Variants in NRXN1 observed in about 807,000 individuals in gnomAD.
NRXN1 encodes neurexin 1.
A neutral mutation model predicts 150.9 loss-of-function variants in NRXN1; 39 were observed. The ratio of observed to expected loss-of-function variants is 0.26; its 90% CI spans 0.20 to 0.34. The LOEUF (loss-of-function observed/expected upper bound fraction) is 0.34, where lower values mean the gene tolerates loss of function less well. NRXN1 is among the 10% of genes least tolerant of loss of function. The pLI, the probability that NRXN1 is intolerant of heterozygous loss-of-function variation, is 1.00. For synonymous variants in NRXN1, 924 were observed against 757.0 expected (o/e 1.22, Z -3.62); for missense variants, 1,815 against 1,949.9 (o/e 0.93, Z 1.30).
chr2:49,944,520 A>G (rs12618646), intron 21 of NRXN1, among the ~76,000 whole-genome samples: 32,433 of 152,066 alleles, frequency 0.21, 3,690 homozygotes, highest in East Asian at 0.32. Context: ...TAGTTGCTTC[A>G]TTGCGCTTAC....
chr2:50,332,977 G>A (rs1180229266), intron 17 of NRXN1, among the ~76,000 whole-genome samples: 1 of 152,116 alleles, frequency 6.6e-6, no homozygotes, highest in Non-Finnish European at 1.5e-5. Flanking sequence ...CGATAATACT[G>A]GCCATCACAC....
intron 8 of NRXN1, among the ~76,000 whole-genome samples, chr2:50,618,605 C>T (rs946832982): frequency 1.3e-5 from 2 of 151,930 alleles, no homozygotes; most frequent in African/African-American, 2.4e-5. Context: ...GACTTTCATA[C>T]TTGTTAGTTG....
intron 12 of NRXN1, among the ~76,000 whole-genome samples, chr2:50,524,115 G>T (rs1014370742): frequency 2.0e-4 from 30 of 152,148 alleles, no homozygotes; most frequent in African/African-American, 7.2e-4. Context: ...CATAAAGAAA[G>T]CCACATAATG....
At chr2:50,307,102 A>G (rs2152959324) in intron 17 of NRXN1, among the ~76,000 whole-genome samples, 1 of 152,128 alleles carries the variant, frequency 6.6e-6, no homozygotes, top group African/African-American at 2.4e-5. Flanking sequence ...CTCCTGCCTC[A>G]GCCTCCTGAG....
Position 50,961,496 on chromosome 2 carries a change from CACA to C in NRXN1, c.773-35544_773-35542del, listed in dbSNP as rs927524249. On this transcript the variant is annotated intron_variant, in intron 2 of 22. Coordinates refer to ENST00000401669, the MANE Select transcript of NRXN1 (RefSeq NM_001330078.2). ...TCTAATCATATGGTTTATTGTCTTC[CACA>C]ACAACAACAACAAAAAACCCAACCA... 5.3e-5 allele frequency among the ~76,000 whole-genome samples: 8 copies of C among 151,462 alleles called. No homozygotes were observed. In the South Asian group the frequency reaches 6.2e-4, roughly 12 times the overall value.
chr2:50,564,216 T>C (rs1423166923), intron 8 of NRXN1, among the ~76,000 whole-genome samples: 2 of 152,222 alleles, frequency 1.3e-5, no homozygotes, highest in East Asian at 1.9e-4. Flanking sequence ...TATTTTGCAA[T>C]GTTATTTAAG....
At chr2:50,587,295 G>C (rs1474740585) in intron 8 of NRXN1, among the ~76,000 whole-genome samples, 1 of 152,296 alleles carries the variant, frequency 6.6e-6, no homozygotes, top group African/African-American at 2.4e-5. Context: ...GACCAACCTG[G>C]GCAACATGGT....
chr2:50,519,469 A>T (rs1450017681), intron 12 of NRXN1, among the ~76,000 whole-genome samples: 1 of 152,002 alleles, frequency 6.6e-6, no homozygotes, highest in East Asian at 1.9e-4. Flanking sequence ...GAAATGTTCT[A>T]AAATGGCAAT....
rs148851337 is a variant in NRXN1 at position 50,744,142 on chromosome 2, AT to A, written c.833-120528del. Among the ~76,000 whole-genome samples the A allele has an allele frequency of 6.4e-3, 975 of 152,342 alleles. 14 individuals are homozygous for A. Among genetic ancestry groups the A allele is most frequent in the African/African-American group, 0.022 (907 of 41,590 alleles). The stretch of plus-strand genomic sequence containing the variant: ...TTTTAAATGTTATTACTTGTAAAAT[AT>A]AAGCTGTGTCTTTATAGTCACATAT... On this transcript the variant is annotated intron_variant, in intron 5 of 22. Transcript: ENST00000401669.
rs145232269 is a variant in NRXN1 at position 50,148,582 on chromosome 2, C to A, written c.3547-57088G>T. Among the ~76,000 whole-genome samples the A allele has an allele frequency of 1.0e-3, 152 of 151,762 alleles. 2 individuals are homozygous for A. The East Asian group carries it at 0.022, about 22-fold the overall frequency. ...AGGTCCATTGCTAGACATGCACTTGCTTATCCAGAGGGCCAATCAGATTTC... is the reference window on the plus strand; with the variant it reads ...AGGTCCATTGCTAGACATGCACTTGATTATCCAGAGGGCCAATCAGATTTC... On this transcript the variant is annotated intron_variant, in intron 18 of 22. Coordinates refer to ENST00000401669, the MANE Select transcript of NRXN1 (RefSeq NM_001330078.2).
At chr2:50,207,115 C>A (rs1053635205) in intron 18 of NRXN1, among the ~76,000 whole-genome samples, 3 of 151,852 alleles carry the variant, frequency 2.0e-5, no homozygotes, top group African/African-American at 7.3e-5. Context: ...AGGGACTTAC[C>A]GATGGGGTAT....
At chr2:50,403,626 A>G (rs987924906) in intron 17 of NRXN1, among the ~76,000 whole-genome samples, 3 of 152,134 alleles carry the variant, frequency 2.0e-5, no homozygotes, top group African/African-American at 4.8e-5. Context: ...ATGAGCCTCA[A>G]AAGAGACGAT....
intron 18 of NRXN1, among the ~76,000 whole-genome samples, chr2:50,110,404 A>G (rs1289705076): frequency 1.3e-5 from 2 of 150,844 alleles, no homozygotes; most frequent in Admixed American, 6.6e-5. Context: ...AGGCAAGAGA[A>G]TGGCGTGAAG....
chr2:50,222,019 G>A (rs1412048656), intron 18 of NRXN1, among the ~76,000 whole-genome samples: 1 of 151,960 alleles, frequency 6.6e-6, no homozygotes. Context: ...GGGACTGCAG[G>A]ATTGAAATAA....
chr2:50,834,893 C>T (rs1288056614), intron 5 of NRXN1, among the ~76,000 whole-genome samples: 1 of 152,172 alleles, frequency 6.6e-6, no homozygotes, highest in East Asian at 1.9e-4. Context: ...GTCCCTCACT[C>T]TTGCAGCTTT....
intron 17 of NRXN1, among the ~76,000 whole-genome samples, chr2:50,421,050 T>C (rs1224200875): frequency 6.6e-6 from 1 of 150,706 alleles, no homozygotes; most frequent in East Asian, 2.0e-4. Flanking sequence ...TGGCCTACCA[T>C]ATTCTTATTC....
chr2:50,293,881 C>A (rs2073249220), intron 17 of NRXN1, among the ~76,000 whole-genome samples: 1 of 152,142 alleles, frequency 6.6e-6, no homozygotes, highest in Non-Finnish European at 1.5e-5. Flanking sequence ...GGAAGGTTTC[C>A]TGTGTTTTCT....
chr2:50,797,904 C>A (rs1047276206), intron 5 of NRXN1, among the ~76,000 whole-genome samples: 3 of 152,146 alleles, frequency 2.0e-5, no homozygotes, highest in Admixed American at 6.6e-5. Context: ...CCAGTGTAAG[C>A]TAAAAGAACA....
At chr2:50,546,522 CAGAT>C (rs1210236175) in intron 9 of NRXN1, among the ~76,000 whole-genome samples, 3 of 152,008 alleles carry the variant, frequency 2.0e-5, no homozygotes, top group Non-Finnish European at 4.4e-5. Flanking sequence ...CCATATTAAA[CAGAT>C]AGCCTGAAAA....
Sources: allele counts gnomAD v4.1 joint callset (sites outside exome capture counted in the v4.1 genomes callset), GRCh38; gene constraint gnomAD v4.1.1; transcripts MANE v1.5; gene names NCBI Gene and HGNC (gene_info 2026-07-23, HGNC 2026-07-21).